The following PDZRN3 variants were observed in gnomAD, a reference collection of about 807,000 sequenced individuals.
PDZRN3 encodes PDZ domain containing ring finger 3.
PDZRN3 carries 38 observed loss-of-function variants against 85.7 expected under a neutral mutation model. The ratio of observed to expected loss-of-function variants is 0.44; its 90% CI spans 0.34 to 0.58. PDZRN3 has a LOEUF of 0.58. PDZRN3 is among the 20% of genes least tolerant of loss of function. The pLI is 0.01. For missense variants in PDZRN3, 1,629 were observed against 1,506.4 expected, an observed-to-expected ratio of 1.08 and a Z score of -1.35; for synonymous variants, 759 against 638.0, an observed-to-expected ratio of 1.19 and a Z score of -2.86.
At chr3:73,519,123 TCTC>T (rs1704305714) in intron 3 of PDZRN3, among the ~76,000 whole-genome samples, 1 of 152,068 alleles carries the variant, frequency 6.6e-6, no homozygotes, top group East Asian at 1.9e-4. Flanking sequence ...TTCACTCTGA[TCTC>T]CTCCCACTGG....
chr3:73,515,641 G>A lies in PDZRN3; in HGVS notation c.918+86713C>T, dbSNP rs1356122138. Among the ~76,000 whole-genome samples the A allele has an allele frequency of 2.6e-5, 4 of 152,128 alleles. No individual in the cohort carries two copies. In the East Asian group the frequency reaches 7.7e-4, roughly 29 times the overall value. On this transcript the variant is annotated intron_variant, in intron 3 of 9. Coordinates refer to ENST00000263666, the MANE Select transcript of PDZRN3 (RefSeq NM_015009.3). ...ATTTCCACAGAAAAGCAGAGCCCAG[G>A]ATATATCTAGATCATACTCTGGAAA... is the stretch of plus-strand genomic sequence containing the variant.
chr3:73,566,265 C>T (rs112837012), intron 3 of PDZRN3, among the ~76,000 whole-genome samples: 16 of 152,144 alleles, frequency 1.1e-4, no homozygotes, highest in Admixed American at 7.8e-4. Context: ...TTGCAGAAAA[C>T]CTCAGCGATA....
intron 3 of PDZRN3, among the ~76,000 whole-genome samples, chr3:73,574,457 T>TGGC (rs1553704235): frequency 2.5e-5 from 3 of 120,830 alleles, no homozygotes; most frequent in African/African-American, 9.6e-5. Flanking sequence ...TTGGCTGGGG[T>TGGC]GGGGGGGGTG....
chr3:73,452,606 C>A (rs1425334248), intron 3 of PDZRN3, among the ~76,000 whole-genome samples: 1 of 152,176 alleles, frequency 6.6e-6, no homozygotes, highest in Admixed American at 6.5e-5. Context: ...CATCCACCAT[C>A]CTAACTGGTG....
chr3:73,583,482 T>C (rs1195176481), intron 3 of PDZRN3, among the ~76,000 whole-genome samples: 1 of 152,162 alleles, frequency 6.6e-6, no homozygotes, highest in Non-Finnish European at 1.5e-5. Flanking sequence ...AACATATGCA[T>C]GAACTCCACT....
intron 1 of PDZRN3, among the ~76,000 whole-genome samples, chr3:73,622,373 C>T (rs758811814): frequency 3.3e-5 from 5 of 152,206 alleles, no homozygotes; most frequent in Admixed American, 1.3e-4. Context: ...CAGACACAGG[C>T]CCTTGGGGGA....
At chr3:73,593,408 G>A (rs150943588) in intron 3 of PDZRN3, among the ~76,000 whole-genome samples, 81 of 152,102 alleles carry the variant, frequency 5.3e-4, no homozygotes, top group Non-Finnish European at 8.7e-4. Context: ...CTTCTGTGGA[G>A]TCAGAACTCC....
At chr3:73,510,380 T>C (rs1292738901) in intron 3 of PDZRN3, among the ~76,000 whole-genome samples, 2 of 152,300 alleles carry the variant, frequency 1.3e-5, no homozygotes, top group South Asian at 2.1e-4. Context: ...CTAGCACATA[T>C]ACACGCACAA....
intron 1 of PDZRN3, among the ~76,000 whole-genome samples, chr3:73,608,924 G>A (rs1412521491): frequency 6.6e-6 from 1 of 152,144 alleles, no homozygotes; most frequent in African/African-American, 2.4e-5. Context: ...AAGAATGTCT[G>A]GAGATGTCCA....
At chr3:73,618,051 T>C (rs1346322295) in intron 1 of PDZRN3, among the ~76,000 whole-genome samples, 2 of 152,010 alleles carry the variant, frequency 1.3e-5, no homozygotes, top group Non-Finnish European at 2.9e-5. Context: ...GTACTCCATG[T>C]GCTCTACACT....
At chr3:73,500,765 T>C (rs77534504) in intron 3 of PDZRN3, among the ~76,000 whole-genome samples, 2,797 of 152,288 alleles carry the variant, frequency 0.018, 93 homozygotes, top group African/African-American at 0.064. Context: ...TTTCTACCTC[T>C]GTCCACCACA....
intron 3 of PDZRN3, among the ~76,000 whole-genome samples, chr3:73,421,016 T>C (rs2106775471): frequency 1.3e-5 from 2 of 152,368 alleles, no homozygotes; most frequent in African/African-American, 4.8e-5. Flanking sequence ...AATGCCTACA[T>C]CATGGGAATT....
chr3:73,622,147 G>A (rs1010742539), intron 1 of PDZRN3, among the ~76,000 whole-genome samples: 10 of 152,156 alleles, frequency 6.6e-5, no homozygotes, highest in Non-Finnish European at 1.3e-4. Context: ...CTCTGTTTTG[G>A]TGATTCGAAG....
chr3:73,459,903 A>G (rs1480309482), intron 3 of PDZRN3, among the ~76,000 whole-genome samples: 1 of 152,222 alleles, frequency 6.6e-6, no homozygotes, highest in East Asian at 1.9e-4. Flanking sequence ...GGCAGGAGTC[A>G]CATCCAGATG....
At chr3:73,602,596 C>T in intron 2 of PDZRN3, 135 bp from the exon 3 acceptor site, 1 of 587,594 alleles carries the variant, frequency 1.7e-6, no homozygotes, top group Non-Finnish European at 3.0e-6. Flanking sequence ...ATTTGTTTCT[C>T]CTAATTTCTG....
rs772940423 is a variant in PDZRN3 at position 73,388,087 on chromosome 3, G to T, written c.1417-18C>A. ...CCATTAATCTTTTAAAAAAAAAGGG[G>T]GGGTGGGGAGAGTGGGGAGACAAAT... is the stretch of plus-strand genomic sequence containing the variant. On this transcript the variant is annotated intron_variant, in intron 7 of 9. Coordinates refer to ENST00000263666, the MANE Select transcript of PDZRN3 (RefSeq NM_015009.3). 2 of 1,153,864 alleles carry T rather than the reference G, an allele frequency of 1.7e-6. No homozygotes were observed. The highest frequency in any genetic ancestry group is 2.5e-6 in the Non-Finnish European group (2 of 799,452). The allele number at this position is 1,153,864 out of a possible 1,614,324, so 71.5% of individuals were successfully genotyped here. A position where few individuals can be genotyped will look rare whatever the true frequency, so the allele number is the denominator to read the frequency against.
intron 3 of PDZRN3, among the ~76,000 whole-genome samples, chr3:73,559,547 T>G (rs947455322): frequency 4.6e-5 from 7 of 152,234 alleles, no homozygotes; most frequent in Non-Finnish European, 8.8e-5. Context: ...AATCTCCCTC[T>G]TGCACATGGG....
chr3:73,391,251 T>C, intron 5 of PDZRN3, 135 bp from the exon 6 acceptor site: 1 of 598,052 alleles, frequency 1.7e-6, no homozygotes, highest in East Asian at 2.7e-5. Context: ...GCCGGTTAAC[T>C]TACTAAACAA....
At chr3:73,392,994 CT>C (rs1559653002) in intron 5 of PDZRN3, among the ~76,000 whole-genome samples, 1 of 152,122 alleles carries the variant, frequency 6.6e-6, no homozygotes, top group Non-Finnish European at 1.5e-5. Context: ...ACACATCCCC[CT>C]GTCTCTCTTA....
Sources: gnomAD v4.1 joint callset for allele counts (sites outside exome capture counted in the v4.1 genomes callset) on GRCh38, gnomAD v4.1.1 for gene constraint, MANE v1.5 for transcripts, NCBI Gene and HGNC (gene_info 2026-07-23, HGNC 2026-07-21) for gene names.